The following CACNA1A variants were observed in gnomAD, a reference collection of about 807,000 sequenced individuals.
CACNA1A encodes calcium voltage-gated channel subunit alpha1 A.
CACNA1A carries 57 observed loss-of-function variants against 262.4 expected under a neutral mutation model. The ratio of observed to expected loss-of-function variants is 0.22; its 90% confidence interval spans 0.18 to 0.27. The LOEUF is 0.27. Among genes scored for constraint, CACNA1A ranks in the 10% least tolerant of loss-of-function variants. The pLI is 1.00. For synonymous variants in CACNA1A, 1,431 were observed against 1,419.3 expected (o/e 1.01, Z -0.18); for missense variants, 2,526 against 3,562.8 (o/e 0.71, Z 7.41).
intron 3 of CACNA1A, among the ~76,000 whole-genome samples, chr19:13,431,013 T>C (rs554595416): frequency 1.3e-5 from 2 of 151,666 alleles, no homozygotes; most frequent in South Asian, 4.2e-4. Context: ...AGGGAACTTG[T>C]GTAGCTGAAG....
At chr19:13,461,603 T>G (rs1417946419) in intron 1 of CACNA1A, among the ~76,000 whole-genome samples, 1 of 152,216 alleles carries the variant, frequency 6.6e-6, no homozygotes, top group African/African-American at 2.4e-5. Flanking sequence ...AAGGTTTCAC[T>G]GGGTAGTCGA....
At chr19:13,444,339 TGTG>T (rs2060773425) in intron 3 of CACNA1A, among the ~76,000 whole-genome samples, 1 of 152,162 alleles carries the variant, frequency 6.6e-6, no homozygotes, top group South Asian at 2.1e-4. Context: ...GAATGCTGGT[TGTG>T]TTTTGTTGTT....
At chr19:13,474,226 G>A (rs754701784) in intron 1 of CACNA1A, among the ~76,000 whole-genome samples, 18 of 152,290 alleles carry the variant, frequency 1.2e-4, no homozygotes, top group Non-Finnish European at 2.4e-4. Context: ...CACTGACCCC[G>A]ACTGAATCTC....
At chr19:13,397,648 G>T (rs919707456) in intron 3 of CACNA1A, among the ~76,000 whole-genome samples, 1 of 152,024 alleles carries the variant, frequency 6.6e-6, no homozygotes, top group African/African-American at 2.4e-5. Flanking sequence ...TTGATTCTCA[G>T]TGAGGACCCA....
intron 30 of CACNA1A, chr19:13,245,483 C>T: frequency 1.8e-6 from 1 of 559,950 alleles, no homozygotes; most frequent in South Asian, 2.0e-5. Context: ...TTGGCCTGGC[C>T]CCAGAGGGGG....
intron 30 of CACNA1A, 68 bp downstream of exon 30, chr19:13,252,923 T>G: frequency 2.8e-6 from 3 of 1,079,930 alleles, no homozygotes; most frequent in Non-Finnish European, 4.2e-6. Flanking sequence ...GAGACCATCA[T>G]CCAGGACCCA....
intron 1 of CACNA1A, among the ~76,000 whole-genome samples, chr19:13,473,900 CAG>C (rs1351327972): frequency 1.3e-5 from 2 of 152,184 alleles, no homozygotes; most frequent in East Asian, 3.8e-4. Context: ...TCCAGTTAAA[CAG>C]ATTTTCTGGA....
At chr19:13,399,453 A>G (rs1400834818) in intron 3 of CACNA1A, among the ~76,000 whole-genome samples, 1 of 151,942 alleles carries the variant, frequency 6.6e-6, no homozygotes, top group Non-Finnish European at 1.5e-5. Flanking sequence ...AAAAGCCCAG[A>G]AGAGATGTAG....
At chr19:13,276,092 C>G in intron 23 of CACNA1A, 136 bp from the exon 24 acceptor site, 2 of 616,726 alleles carry the variant, frequency 3.2e-6, no homozygotes, top group South Asian at 3.9e-5. Flanking sequence ...TGGGCAGTGG[C>G]CAGAGGACTC....
At chr19:13,461,265 G>A (rs1159604518) in intron 1 of CACNA1A, among the ~76,000 whole-genome samples, 3 of 152,108 alleles carry the variant, frequency 2.0e-5, no homozygotes, top group Admixed American at 1.3e-4. Flanking sequence ...ACCTGAACCC[G>A]GGAAGCAGAG....
intron 22 of CACNA1A, among the ~76,000 whole-genome samples, chr19:13,281,940 T>G (rs1044311645): frequency 6.6e-6 from 1 of 152,220 alleles, no homozygotes; most frequent in African/African-American, 2.4e-5. Context: ...GTGCCCTCCC[T>G]GCCGAAGGCA....
intron 1 of CACNA1A, among the ~76,000 whole-genome samples, chr19:13,485,068 G>T (rs1389203399): frequency 6.6e-6 from 1 of 152,110 alleles, no homozygotes; most frequent in Non-Finnish European, 1.5e-5. Flanking sequence ...TGGCTTCAAA[G>T]GTTGAGTATA....
At chr19:13,330,856 T>C (rs1296766673) in intron 9 of CACNA1A, among the ~76,000 whole-genome samples, 1 of 152,176 alleles carries the variant, frequency 6.6e-6, no homozygotes, top group Non-Finnish European at 1.5e-5. Context: ...CCAAAAGTGC[T>C]AGGATTACAG....
intron 1 of CACNA1A, among the ~76,000 whole-genome samples, chr19:13,496,377 G>C (rs761524306): frequency 2.0e-5 from 3 of 152,222 alleles, no homozygotes; most frequent in Non-Finnish European, 4.4e-5. Flanking sequence ...GGTGCCCTTA[G>C]GGAGAAGGTA....
intron 34 of CACNA1A, among the ~76,000 whole-genome samples, chr19:13,233,043 C>CT (rs1030849633): frequency 1.3e-5 from 2 of 150,912 alleles, no homozygotes; most frequent in African/African-American, 4.9e-5. Flanking sequence ...GACCGAAACT[C>CT]TGTCTCAGAT....
chr19:13,392,920 TA>T (rs1450954298), intron 3 of CACNA1A, among the ~76,000 whole-genome samples: 2 of 152,212 alleles, frequency 1.3e-5, no homozygotes, highest in Admixed American at 6.5e-5. Context: ...CTAATCTTTG[TA>T]TTTTTTTGCG....
intron 30 of CACNA1A, among the ~76,000 whole-genome samples, chr19:13,252,079 T>C (rs2056414129): frequency 6.7e-6 from 1 of 150,228 alleles, no homozygotes; most frequent in African/African-American, 2.5e-5. Context: ...GTGTTTGTTT[T>C]TTAAAGATGG....
chr19:13,427,199 C>T (rs1426372703), intron 3 of CACNA1A, among the ~76,000 whole-genome samples: 2 of 152,084 alleles, frequency 1.3e-5, no homozygotes, highest in African/African-American at 4.8e-5. Flanking sequence ...GGCCTGTATT[C>T]CTAGCACTTT....
At chr19:13,380,936 G>A (rs1313287379) in intron 3 of CACNA1A, among the ~76,000 whole-genome samples, 1 of 151,810 alleles carries the variant, frequency 6.6e-6, no homozygotes, top group East Asian at 1.9e-4. Context: ...ACCAAGCCCA[G>A]CTAATTTTTG....
Sources: gnomAD v4.1 joint callset for allele counts (sites outside exome capture counted in the v4.1 genomes callset) on GRCh38, gnomAD v4.1.1 for gene constraint, MANE v1.5 for transcripts, NCBI Gene and HGNC (gene_info 2026-07-23, HGNC 2026-07-21) for gene names.